The following OPN5 variants were observed in gnomAD, a reference collection of about 807,000 sequenced individuals.
OPN5 encodes the protein opsin-5.
OPN5 carries 18 observed loss-of-function variants against 41.7 expected under a neutral mutation model. The observed-to-expected ratio is 0.43, with a 90% CI of 0.30 to 0.64. The LOEUF is 0.64. OPN5 is among the 30% of genes least tolerant of loss of function. OPN5 has a pLI of 0.13. For synonymous variants in OPN5, 178 were observed against 164.3 expected (o/e 1.08, Z -0.64); for missense variants, 318 against 434.5 (o/e 0.73, Z 2.38).
chr6:47,814,152 A>G (rs1266293961), intron 6 of OPN5, among the ~76,000 whole-genome samples: 1 of 151,970 alleles, frequency 6.6e-6, no homozygotes, highest in Non-Finnish European at 1.5e-5. Flanking sequence ...AAGAAAGTGA[A>G]GTGAAGGAGG....
exon 3 of OPN5, chr6:47,791,948 T>G (rs1161309286): frequency 5.0e-6 from 8 of 1,613,724 alleles, no homozygotes; most frequent in Non-Finnish European, 5.9e-6. Flanking sequence ...GGATCGATAT[T>G]TGAAAATCTG....
exon 4 of OPN5, chr6:47,795,531 A>G (rs1354863479): frequency 1.2e-6 from 2 of 1,613,840 alleles, no homozygotes; most frequent in Non-Finnish European, 1.7e-6. Context: ...TCGGATCCAT[A>G]GCAGCCATGT....
At chr6:47,809,306 G>T (rs953721081) in intron 5 of OPN5, among the ~76,000 whole-genome samples, 2 of 152,102 alleles carry the variant, frequency 1.3e-5, no homozygotes, top group African/African-American at 4.8e-5. Context: ...TTCTTCCCTT[G>T]AATAAGTAAG....
At chr6:47,817,790 G>A (rs1467414168) in intron 6 of OPN5, among the ~76,000 whole-genome samples, 1 of 152,172 alleles carries the variant, frequency 6.6e-6, no homozygotes, top group African/African-American at 2.4e-5. Flanking sequence ...GCAAGGACTT[G>A]GAGTCTTGAA....
intron 6 of OPN5, among the ~76,000 whole-genome samples, chr6:47,816,509 A>G (rs1428676067): frequency 6.6e-6 from 1 of 152,134 alleles, no homozygotes; most frequent in Non-Finnish European, 1.5e-5. Flanking sequence ...GAGAAAAGGA[A>G]AATTTCTTGA....
At chr6:47,806,179 AC>A (rs528391193) in intron 4 of OPN5, among the ~76,000 whole-genome samples, 1 of 151,516 alleles carries the variant, frequency 6.6e-6, no homozygotes, top group South Asian at 2.1e-4. Context: ...CAAACAAACA[AC>A]CCCCCCAAAA....
chr6:47,788,935 A>T (rs1265251983), intron 2 of OPN5, among the ~76,000 whole-genome samples: 1 of 151,952 alleles, frequency 6.6e-6, no homozygotes, highest in Non-Finnish European at 1.5e-5. Context: ...AAGCAAAACA[A>T]TCCGTCCAGC....
At chr6:47,792,619 A>G (rs1422968344) in intron 3 of OPN5, among the ~76,000 whole-genome samples, 1 of 152,214 alleles carries the variant, frequency 6.6e-6, no homozygotes, top group Non-Finnish European at 1.5e-5. Flanking sequence ...GTTAAAAATA[A>G]TTTCTACTAC....
At chr6:47,795,638 T>C (rs944348168) in intron 4 of OPN5, 75 bp downstream of exon 4, 10 of 1,003,162 alleles carry the variant, frequency 1.0e-5, no homozygotes, top group East Asian at 2.4e-5. Context: ...ATAGGGAACG[T>C]TGGAGACTGA....
chr6:47,816,989 G>A (rs1169562094), intron 6 of OPN5, among the ~76,000 whole-genome samples: 1 of 152,102 alleles, frequency 6.6e-6, no homozygotes, highest in Non-Finnish European at 1.5e-5. Flanking sequence ...TCTGGGAGAT[G>A]TTCAAGCTGT....
At chr6:47,789,489 G>A (rs765203127) in intron 2 of OPN5, among the ~76,000 whole-genome samples, 2 of 149,670 alleles carry the variant, frequency 1.3e-5, no homozygotes, top group Non-Finnish European at 3.0e-5. Context: ...ACCTTGCTCT[G>A]TGTTTCTTAC....
chr6:47,807,886 G>T (rs1309334877), intron 4 of OPN5, among the ~76,000 whole-genome samples: 1 of 150,928 alleles, frequency 6.6e-6, no homozygotes, highest in Admixed American at 6.6e-5. Context: ...CTATTTGAGG[G>T]TTATATTTTG....
At chr6:47,802,476 G>A (rs909526341) in intron 4 of OPN5, among the ~76,000 whole-genome samples, 4 of 152,032 alleles carry the variant, frequency 2.6e-5, no homozygotes, top group Admixed American at 2.0e-4. Context: ...ATCCTGCTGG[G>A]CCTTAGTTTT....
At chr6:47,813,548 G>A (rs1478033061) in intron 6 of OPN5, among the ~76,000 whole-genome samples, 3 of 152,080 alleles carry the variant, frequency 2.0e-5, no homozygotes, top group African/African-American at 7.2e-5. Context: ...TGTTTATGCT[G>A]TTATATGGAT....
chr6:47,792,946 G>T (rs1328874688), intron 3 of OPN5, among the ~76,000 whole-genome samples: 3 of 150,928 alleles, frequency 2.0e-5, no homozygotes, highest in Non-Finnish European at 2.9e-5. Flanking sequence ...GGGAGGCGGG[G>T]GCTTGTGAGC....
intron 6 of OPN5, among the ~76,000 whole-genome samples, chr6:47,812,117 G>C (rs951871126): frequency 1.3e-5 from 2 of 152,092 alleles, no homozygotes; most frequent in Non-Finnish European, 2.9e-5. Context: ...GGCAGTTTCT[G>C]GGGCTCATTC....
chr6:47,823,541 C>T (rs781639531), intron 6 of OPN5: 3 of 181,318 alleles, frequency 1.7e-5, no homozygotes, highest in East Asian at 2.7e-4. Context: ...ACTGTGTTCA[C>T]GCTCTCTTCT....
chr6:47,798,255 A>C (rs1773640935), intron 4 of OPN5, among the ~76,000 whole-genome samples: 1 of 152,036 alleles, frequency 6.6e-6, no homozygotes, highest in African/African-American at 2.4e-5. Context: ...TGTGCAGAAA[A>C]TTTAAGCCAA....
Position 47,823,615 on chromosome 6 carries a change from G to A in OPN5, c.1057-368G>A, listed in dbSNP as rs1339401425. On this transcript the variant is annotated intron_variant, in intron 6 of 6. Transcript: ENST00000371211. ...TATGGGAGAAAATTAGGCAGTACAGGTGAGTAGGGAGAAGATCCTGCAAGG... is the reference window on the plus strand; with the variant it reads ...TATGGGAGAAAATTAGGCAGTACAGATGAGTAGGGAGAAGATCCTGCAAGG... 1.4e-5 allele frequency: 5 copies of A among 349,620 alleles called. No individual in the cohort carries two copies. In the South Asian group the frequency reaches 3.0e-4, roughly 21 times the overall value. 21.7% of individuals were successfully genotyped at this position (349,620 alleles called of 1,614,324 possible).
Sources: gnomAD v4.1 joint callset for allele counts (sites outside exome capture counted in the v4.1 genomes callset) on GRCh38, gnomAD v4.1.1 for gene constraint, MANE v1.5 for transcripts, NCBI Gene and HGNC (gene_info 2026-07-23, HGNC 2026-07-21) for gene names.